Variants in KYAT1 observed in about 807,000 individuals in gnomAD.
KYAT1 encodes kynurenine--oxoglutarate transaminase 1.
A neutral mutation model predicts 52.4 loss-of-function variants in KYAT1; 47 were observed. That is an observed-to-expected ratio of 0.90 (90% CI 0.71 to 1.14). The LOEUF is 1.14. KYAT1 is among the 50% of genes most tolerant of loss of function. The pLI is 0.00. For missense variants in KYAT1, 480 were observed against 557.9 expected (o/e 0.86, Z 1.41); for synonymous variants, 212 against 209.6 (o/e 1.01, Z -0.10).
intron 1 of KYAT1, among the ~76,000 whole-genome samples, chr9:128,881,587 T>C (rs1324238057): frequency 1.3e-5 from 2 of 152,086 alleles, no homozygotes; most frequent in Non-Finnish European, 2.9e-5. Context: ...AGTTGGAGTC[T>C]GGGGACCCAA....
intron 1 of KYAT1, among the ~76,000 whole-genome samples, chr9:128,854,999 G>C (rs1320859782): frequency 6.6e-6 from 1 of 151,940 alleles, no homozygotes; most frequent in Non-Finnish European, 1.5e-5. Flanking sequence ...ATGTCACTTG[G>C]GTCACAAATG....
intron 1 of KYAT1, among the ~76,000 whole-genome samples, chr9:128,876,219 C>T (rs2130840385): frequency 6.6e-6 from 1 of 151,180 alleles, no homozygotes; most frequent in East Asian, 2.0e-4. Context: ...ACTATAAGTG[C>T]ATGCCCCAAC....
intron 1 of KYAT1, among the ~76,000 whole-genome samples, chr9:128,865,339 ATATATATATATATATATATATTTT>A (rs1564491675): frequency 0.062 from 119 of 1,930 alleles, 16 homozygotes; most frequent in African/African-American, 0.11. Context: ...ATATATATAT[ATATATATATATATATATATATTTT>A]TTTTTTTTTT....
chr9:128,859,709 C>T (rs1319046235), intron 1 of KYAT1, among the ~76,000 whole-genome samples: 5 of 150,860 alleles, frequency 3.3e-5, no homozygotes, highest in Admixed American at 1.3e-4. Flanking sequence ...AGCGCAGTGG[C>T]GCGATCTCGG....
In KYAT1 at chr9:128,847,504, A is replaced by G. The variant is rs968777040; in HGVS notation, c.-6-2093T>C. ...TGAAGGGGCCCCACCAGGTGCACAG[A>G]GATGGCTGCTGCAGTCCTGAACATG... On this transcript the variant is annotated intron_variant, in intron 1 of 12. Transcript: ENST00000302586. The G allele has an allele frequency of 2.0e-6, 3 of 1,535,852 alleles. No homozygotes were observed. In the African/African-American group the frequency reaches 4.1e-5, roughly 21 times the overall value.
rs368714723 is a variant in KYAT1, at chr9:128,837,698, T to C, written c.554A>G (p.Asn185Ser). Residue 185 changes from asparagine (N) to serine (S), a missense_variant, in exon 6 of 13, where the codon AAC becomes AGC. By Grantham distance (46) the Asn-to-Ser change is conservative. Coordinates refer to ENST00000302586, the MANE Select transcript of KYAT1 (RefSeq NM_004059.5). ...TKALVLNTPN[N>S]PLGKVFSREE... Reference sequence around the variant, plus strand: ...TCCCTCCAGTACCTTGCCCAGGGGGTTGTTGGGGGTGTTGAGGACCAGGGC... The same window carrying C: ...TCCCTCCAGTACCTTGCCCAGGGGGCTGTTGGGGGTGTTGAGGACCAGGGC... The C allele has an allele frequency of 6.2e-7, 1 of 1,613,662 alleles. No homozygotes were observed. The highest frequency in any genetic ancestry group is 8.5e-7 in the Non-Finnish European group (1 of 1,179,912).
At chr9:128,856,086 C>T (rs111980649) in intron 1 of KYAT1, among the ~76,000 whole-genome samples, 94 of 152,232 alleles carry the variant, frequency 6.2e-4, no homozygotes, top group African/African-American at 1.8e-3. Context: ...TATTACACCT[C>T]GAGCCTATAA....
At chr9:128,840,959 A>G (rs1461389142) in intron 3 of KYAT1, among the ~76,000 whole-genome samples, 1 of 152,256 alleles carries the variant, frequency 6.6e-6, no homozygotes, top group East Asian at 1.9e-4. Flanking sequence ...ATGTCCACAC[A>G]GGGATATTTG....
At chr9:128,848,673 C>T (rs1284615187) in intron 1 of KYAT1, among the ~76,000 whole-genome samples, 1 of 151,964 alleles carries the variant, frequency 6.6e-6, no homozygotes, top group Non-Finnish European at 1.5e-5. Context: ...CAAAAATTAG[C>T]CAGGCATGGT....
intron 1 of KYAT1, among the ~76,000 whole-genome samples, chr9:128,865,025 G>A (rs904615448): frequency 6.6e-6 from 1 of 150,900 alleles, no homozygotes; most frequent in African/African-American, 2.4e-5. Flanking sequence ...CCAGGAGTTC[G>A]AGACCAGCCT....
chr9:128,835,283 G>C, intron 11 of KYAT1, 40 bp downstream of exon 11: 2 of 1,562,798 alleles, frequency 1.3e-6, no homozygotes, highest in Non-Finnish European at 1.8e-6. Context: ...CACACAACCT[G>C]TGAAACCATA....
At chr9:128,835,974 A>G in intron 8 of KYAT1, 23 bp downstream of exon 8, 1 of 1,596,696 alleles carries the variant, frequency 6.3e-7, no homozygotes, top group Middle Eastern at 1.7e-4. Flanking sequence ...GGGGGTGGTG[A>G]CCTCCCACCC....
chr9:128,842,149 C>A, intron 3 of KYAT1: 1 of 328,496 alleles, frequency 3.0e-6, no homozygotes, highest in Non-Finnish European at 6.3e-6. Context: ...ACCATGATCG[C>A]ACCATTGCAC....
At chr9:128,839,574 G>A (rs989766078) in intron 3 of KYAT1, among the ~76,000 whole-genome samples, 1 of 152,020 alleles carries the variant, frequency 6.6e-6, no homozygotes, top group African/African-American at 2.4e-5. Flanking sequence ...GCAGTGAGCC[G>A]AGATCGCGCC....
chr9:128,845,242 C>T (rs1012477031), intron 2 of KYAT1, 111 bp downstream of exon 2: 4 of 787,086 alleles, frequency 5.1e-6, no homozygotes, highest in African/African-American at 1.7e-5. Flanking sequence ...TGGAATCTGG[C>T]AGTCTGTGTA....
At chr9:128,868,376 A>G (rs1010264244) in intron 1 of KYAT1, among the ~76,000 whole-genome samples, 1 of 151,400 alleles carries the variant, frequency 6.6e-6, no homozygotes, top group Non-Finnish European at 1.5e-5. Flanking sequence ...AGCCTGGCCC[A>G]CTGATTTTTT....
chr9:128,879,254 G>A (rs1211751540), intron 1 of KYAT1, among the ~76,000 whole-genome samples: 3 of 151,978 alleles, frequency 2.0e-5, no homozygotes, highest in Admixed American at 6.6e-5. Flanking sequence ...AGCTTGCAGT[G>A]AGCCGAGATT....
chr9:128,866,967 C>T (rs1042589755), intron 1 of KYAT1, among the ~76,000 whole-genome samples: 1 of 151,630 alleles, frequency 6.6e-6, no homozygotes, highest in African/African-American at 2.4e-5. Context: ...ATTAGTGATA[C>T]GTAAATGAAA....
chr9:128,879,029 G>T (rs1838421463), intron 1 of KYAT1, among the ~76,000 whole-genome samples: 1 of 152,226 alleles, frequency 6.6e-6, no homozygotes, highest in Non-Finnish European at 1.5e-5. Flanking sequence ...TATGCCGGGA[G>T]GCCGGGCGCG....
Sources: allele counts gnomAD v4.1 joint callset (sites outside exome capture counted in the v4.1 genomes callset), GRCh38; gene constraint gnomAD v4.1.1; transcripts MANE v1.5; gene names NCBI Gene and HGNC (gene_info 2026-07-23, HGNC 2026-07-21).